Variants in ZFAND3 observed in about 807,000 individuals in gnomAD.
ZFAND3 encodes the protein AN1-type zinc finger protein 3.
Under a neutral mutation model 29.6 loss-of-function variants are expected in ZFAND3, and 10 were observed. That is an observed-to-expected ratio of 0.34 (90% CI 0.21 to 0.57). ZFAND3 has a LOEUF of 0.57. Among genes scored for constraint, ZFAND3 ranks in the 20% least tolerant of loss-of-function variants. The pLI, the probability that ZFAND3 is intolerant of heterozygous loss-of-function variation, is 0.86. For synonymous variants in ZFAND3, 128 were observed against 112.6 expected, an observed-to-expected ratio of 1.14 and a Z score of -0.87; for missense variants, 230 against 304.5, an observed-to-expected ratio of 0.76 and a Z score of 1.82.
At chr6:38,008,302 T>C (rs879689676) in intron 2 of ZFAND3, among the ~76,000 whole-genome samples, 16 of 152,220 alleles carry the variant, frequency 1.1e-4, no homozygotes, top group Admixed American at 9.8e-4. Context: ...CAATTAAATA[T>C]GCATGGCTGT....
chr6:37,891,166 G>C (rs187395796), intron 1 of ZFAND3, among the ~76,000 whole-genome samples: 1 of 152,042 alleles, frequency 6.6e-6, no homozygotes, highest in Non-Finnish European at 1.5e-5. Flanking sequence ...CATACAATAC[G>C]TGGTCTTTTG....
At chr6:37,908,402 C>G (rs1765448303) in intron 1 of ZFAND3, among the ~76,000 whole-genome samples, 2 of 151,796 alleles carry the variant, frequency 1.3e-5, no homozygotes, top group South Asian at 4.2e-4. Flanking sequence ...TCAAGTTCTC[C>G]CCTTGTGTAG....
At chr6:37,923,629 A>G (rs1454476549) in intron 1 of ZFAND3, among the ~76,000 whole-genome samples, 3 of 152,230 alleles carry the variant, frequency 2.0e-5, no homozygotes, top group African/African-American at 7.2e-5. Context: ...TATGTACTAT[A>G]CATAACTGTA....
chr6:38,047,882 G>A (rs754816114), intron 2 of ZFAND3, among the ~76,000 whole-genome samples: 3 of 151,390 alleles, frequency 2.0e-5, no homozygotes, highest in Admixed American at 6.6e-5. Context: ...AGGGTCATTC[G>A]TTTTTGCAGG....
intron 1 of ZFAND3, among the ~76,000 whole-genome samples, chr6:37,927,900 C>G (rs1038947849): frequency 1.3e-5 from 2 of 152,204 alleles, no homozygotes; most frequent in Non-Finnish European, 2.9e-5. Context: ...CTTACTAGTT[C>G]TGTAATCTTC....
chr6:37,909,542 A>G (rs1765482432), intron 1 of ZFAND3, among the ~76,000 whole-genome samples: 1 of 151,602 alleles, frequency 6.6e-6, no homozygotes, highest in African/African-American at 2.4e-5. Flanking sequence ...TGGCCTCTCA[A>G]AGTGCTGGGA....
chr6:37,977,062 A>G (rs777121368), intron 2 of ZFAND3, among the ~76,000 whole-genome samples: 6 of 152,202 alleles, frequency 3.9e-5, no homozygotes, highest in African/African-American at 9.7e-5. Context: ...TTGTTAGGCA[A>G]TGTCATCATT....
chr6:38,037,646 CA>C (rs1040616231), intron 2 of ZFAND3, among the ~76,000 whole-genome samples: 1 of 152,192 alleles, frequency 6.6e-6, no homozygotes, highest in Non-Finnish European at 1.5e-5. Context: ...GAGACATAAG[CA>C]GCACTTCCAT....
At chr6:37,870,564 A>C (rs1414931445) in intron 1 of ZFAND3, among the ~76,000 whole-genome samples, 1 of 141,986 alleles carries the variant, frequency 7.0e-6, no homozygotes, top group African/African-American at 2.7e-5. Flanking sequence ...GCACCATTGC[A>C]CTCCAGCCTT....
intron 1 of ZFAND3, among the ~76,000 whole-genome samples, chr6:37,826,279 C>A (rs1238179038): frequency 6.6e-6 from 1 of 152,098 alleles, no homozygotes; most frequent in Non-Finnish European, 1.5e-5. Flanking sequence ...AAAAGAGGGC[C>A]TTCATTCCAA....
intron 1 of ZFAND3, among the ~76,000 whole-genome samples, chr6:37,855,988 T>C (rs1175066837): frequency 6.6e-6 from 1 of 152,074 alleles, no homozygotes; most frequent in Non-Finnish European, 1.5e-5. Flanking sequence ...TTTCCTGACA[T>C]AAAACCTTGG....
At chr6:37,985,630 A>G (rs1762658523) in intron 2 of ZFAND3, among the ~76,000 whole-genome samples, 1 of 152,182 alleles carries the variant, frequency 6.6e-6, no homozygotes, top group Non-Finnish European at 1.5e-5. Flanking sequence ...CGGTGAACCA[A>G]GATTGTGTCA....
chr6:38,041,683 T>G (rs796856572), intron 2 of ZFAND3, among the ~76,000 whole-genome samples: 1 of 24,126 alleles, frequency 4.1e-5, no homozygotes, highest in Non-Finnish European at 7.4e-5. Context: ...CTTCTTCTTC[T>G]TCTCCTTCTC....
intron 1 of ZFAND3, among the ~76,000 whole-genome samples, chr6:37,869,438 G>A (rs549200505): frequency 6.6e-6 from 1 of 152,082 alleles, no homozygotes; most frequent in East Asian, 1.9e-4. Context: ...GATTACAGGC[G>A]TCAGCCACCG....
At chr6:37,969,194 G>A (rs898521695) in intron 2 of ZFAND3, among the ~76,000 whole-genome samples, 2 of 152,136 alleles carry the variant, frequency 1.3e-5, no homozygotes, top group African/African-American at 2.4e-5. Context: ...TATCACTGTC[G>A]CATATGTGGT....
intron 2 of ZFAND3, 150 bp from the exon 3 acceptor site, chr6:38,061,443 C>A: frequency 1.1e-6 from 1 of 919,518 alleles, no homozygotes; most frequent in Non-Finnish European, 1.6e-6. Flanking sequence ...ACGTTTTTGA[C>A]CAGTGTTTTA....
At chr6:38,096,982 C>G (rs1764994226) in intron 4 of ZFAND3, among the ~76,000 whole-genome samples, 1 of 152,122 alleles carries the variant, frequency 6.6e-6, no homozygotes, top group Non-Finnish European at 1.5e-5. Flanking sequence ...TTCTGTTTAT[C>G]TTGGTCTTCT....
Position 37,949,458 on chromosome 6 carries a change from A to G in ZFAND3, c.112+19459A>G, listed in dbSNP as rs552682286. Reference sequence around the variant, plus strand: ...CACCACCAAGCAGTGGACACCAGCCAGGTATCCTCCAGTTCAATTCTGACA... The same window carrying G: ...CACCACCAAGCAGTGGACACCAGCCGGGTATCCTCCAGTTCAATTCTGACA... On this transcript the variant is annotated intron_variant, in intron 2 of 5. Transcript: ENST00000287218. Among the ~76,000 whole-genome samples, 9 of 152,224 alleles carry G rather than the reference A, an allele frequency of 5.9e-5. No homozygotes were observed. The South Asian group carries it at 1.7e-3, about 28-fold the overall frequency.
At chr6:37,907,705 A>G (rs1216275735) in intron 1 of ZFAND3, among the ~76,000 whole-genome samples, 2 of 152,300 alleles carry the variant, frequency 1.3e-5, no homozygotes, top group East Asian at 3.9e-4. Flanking sequence ...CTTTGTGAGG[A>G]CATCCTCTTT....
Sources: allele counts gnomAD v4.1 joint callset (sites outside exome capture counted in the v4.1 genomes callset), GRCh38; gene constraint gnomAD v4.1.1; transcripts MANE v1.5; gene names NCBI Gene and HGNC (gene_info 2026-07-23, HGNC 2026-07-21).